PTPRO: variants seen among roughly 807,000 people sequenced by gnomAD.
PTPRO encodes receptor-type tyrosine-protein phosphatase O.
PTPRO carries 62 observed loss-of-function variants against 145.2 expected under a neutral mutation model. The ratio of observed to expected loss-of-function variants is 0.43; its 90% CI spans 0.35 to 0.53. The LOEUF is 0.53. Ranked by LOEUF, PTPRO falls within the 20% of genes least tolerant of loss-of-function variation. PTPRO has a pLI of 0.01. For synonymous variants in PTPRO, 565 were observed against 514.7 expected (o/e 1.10, Z -1.32); for missense variants, 1,345 against 1,482.7 (o/e 0.91, Z 1.53).
chr12:15,546,472 A>G, intron 12 of PTPRO, 97 bp from the exon 13 acceptor site: 1 of 1,536,876 alleles, frequency 6.5e-7, no homozygotes. Context: ...TTACCTACCT[A>G]TATTTGAATT....
chr12:15,371,571 TG>T (rs2136259535), intron 1 of PTPRO, among the ~76,000 whole-genome samples: 1 of 152,320 alleles, frequency 6.6e-6, no homozygotes, highest in South Asian at 2.1e-4. Flanking sequence ...TACAATAAGA[TG>T]ATCAGCCCTA....
chr12:15,397,256 G>A (rs1299950763), intron 1 of PTPRO, among the ~76,000 whole-genome samples: 3 of 151,842 alleles, frequency 2.0e-5, no homozygotes, highest in East Asian at 1.9e-4. Flanking sequence ...TTATGCAAGC[G>A]AAGAACAGAA....
At chr12:15,558,082 G>A (rs750954729) in intron 16 of PTPRO, among the ~76,000 whole-genome samples, 27 of 151,866 alleles carry the variant, frequency 1.8e-4, no homozygotes, top group Non-Finnish European at 3.2e-4. Context: ...CTACAGGCGC[G>A]CACCACCAAA....
At chr12:15,429,636 A>G (rs1294511575) in intron 1 of PTPRO, among the ~76,000 whole-genome samples, 1 of 152,194 alleles carries the variant, frequency 6.6e-6, no homozygotes, top group Non-Finnish European at 1.5e-5. Flanking sequence ...AAGGTTCTCA[A>G]GGTTAAAATA....
chr12:15,581,825 G>T (rs1591766403), intron 23 of PTPRO, 24 bp downstream of exon 23: 1 of 1,613,344 alleles, frequency 6.2e-7, no homozygotes, highest in Non-Finnish European at 8.5e-7. Flanking sequence ...CAGAGAGCAG[G>T]TGCTGTCCCT....
chr12:15,408,750 A>G (rs764609020), intron 1 of PTPRO, among the ~76,000 whole-genome samples: 1 of 152,160 alleles, frequency 6.6e-6, no homozygotes, highest in South Asian at 2.1e-4. Context: ...TTCTGTGTCA[A>G]TGTTTTCACA....
chr12:15,553,096 G>T (rs775226971), intron 15 of PTPRO, among the ~76,000 whole-genome samples: 1 of 151,908 alleles, frequency 6.6e-6, no homozygotes, highest in African/African-American at 2.4e-5. Context: ...CACCATGCTC[G>T]GCCTCCTTGA....
At chr12:15,581,302 T>C (rs974556496) in intron 22 of PTPRO, among the ~76,000 whole-genome samples, 25 of 146,738 alleles carry the variant, frequency 1.7e-4, no homozygotes, top group African/African-American at 6.0e-4. Flanking sequence ...TGCTTTCTTT[T>C]TTTTTTTTTT....
intron 1 of PTPRO, among the ~76,000 whole-genome samples, chr12:15,459,556 T>C (rs1342356089): frequency 6.6e-6 from 1 of 152,236 alleles, no homozygotes; most frequent in Admixed American, 6.5e-5. Context: ...TGGTTGGTTT[T>C]TTGTTCACTT....
chr12:15,379,785 G>A (rs930756254), intron 1 of PTPRO, among the ~76,000 whole-genome samples: 2 of 152,022 alleles, frequency 1.3e-5, no homozygotes, highest in African/African-American at 4.8e-5. Context: ...GAAAGAAATG[G>A]GGGATGACTG....
chr12:15,352,918 A>G (rs933389441), intron 1 of PTPRO, among the ~76,000 whole-genome samples: 1 of 152,214 alleles, frequency 6.6e-6, no homozygotes, highest in Non-Finnish European at 1.5e-5. Context: ...CCCAGAAAAT[A>G]CATGTCTTAT....
intron 1 of PTPRO, among the ~76,000 whole-genome samples, chr12:15,373,994 A>G (rs1420797424): frequency 6.6e-6 from 1 of 152,224 alleles, no homozygotes; most frequent in Non-Finnish European, 1.5e-5. Flanking sequence ...CGGTCACCTC[A>G]AAAATTCAAA....
At chr12:15,578,070 C>T (rs905036115) in intron 19 of PTPRO, among the ~76,000 whole-genome samples, 1 of 152,154 alleles carries the variant, frequency 6.6e-6, no homozygotes, top group African/African-American at 2.4e-5. Flanking sequence ...GAAGGATTTT[C>T]CCCAACAACT....
chr12:15,586,961 C>A lies in PTPRO; in HGVS notation c.3320C>A (p.Thr1107Lys). Reference sequence around the variant, plus strand: ...GCATGGCCTGATCATGGTGTGCCCACAGCAAATGCTGCAGAAAGTATCCTG... The same window carrying A: ...GCATGGCCTGATCATGGTGTGCCCAAAGCAAATGCTGCAGAAAGTATCCTG... Reference protein sequence around the residue: ...YTAWPDHGVPTANAAESILQF... With the variant: ...YTAWPDHGVPKANAAESILQF... The change falls in exon 24 of 27, where the codon ACA (threonine) becomes AAA (lysine). Residue 1107 changes from threonine to lysine, a missense_variant. By Grantham distance (78) the Thr-to-Lys change is moderately conservative. Coordinates refer to ENST00000281171, the MANE Select transcript of PTPRO (RefSeq NM_030667.3). 6.2e-7 allele frequency: 1 copy of A among 1,614,126 alleles called. No individual in the cohort carries two copies. Among genetic ancestry groups the A allele is most frequent in the Non-Finnish European group, 8.5e-7 (1 of 1,180,000 alleles).
At chr12:15,530,317 T>A (rs1942935239) in intron 12 of PTPRO, among the ~76,000 whole-genome samples, 2 of 152,172 alleles carry the variant, frequency 1.3e-5, no homozygotes, top group South Asian at 4.1e-4. Context: ...AACGTATAGA[T>A]CTTCCAACAG....
chr12:15,337,811 A>G (rs1258385508), intron 1 of PTPRO, among the ~76,000 whole-genome samples: 2 of 152,212 alleles, frequency 1.3e-5, no homozygotes, highest in East Asian at 3.8e-4. Context: ...GAAAAAGTCC[A>G]TCTCAAAAGG....
chr12:15,505,632 C>T (rs1021774682), intron 6 of PTPRO, among the ~76,000 whole-genome samples: 1 of 152,160 alleles, frequency 6.6e-6, no homozygotes, highest in East Asian at 1.9e-4. Context: ...TTCAGATGTA[C>T]CATGTATACT....
rs1331482874 is a variant in PTPRO at position 15,322,544 on chromosome 12, G to A, written c.-183G>A. ...AACAGCAGCGCCTGGCACGTTCTTGGAGGACCCCGGGCGCAGAGGAGGAAA... is the reference window on the plus strand; with the variant it reads ...AACAGCAGCGCCTGGCACGTTCTTGAAGGACCCCGGGCGCAGAGGAGGAAA... On this transcript the variant is annotated 5_prime_UTR_variant, in exon 1 of 27. Transcript: ENST00000281171. This position sits in a 1 kb window ranked among gnomAD's most constrained non-coding sequence, Gnocchi z 6.3. The A allele has an allele frequency of 3.0e-6, 2 of 666,280 alleles. No individual in the cohort carries two copies. The highest frequency in any genetic ancestry group is 5.5e-6 in the Non-Finnish European group (2 of 366,322). The allele number at this position is 666,280 out of a possible 1,614,324, so 41.3% of individuals were successfully genotyped here. A position where few individuals can be genotyped will look rare whatever the true frequency, so the allele number is the denominator to read the frequency against.
intron 1 of PTPRO, among the ~76,000 whole-genome samples, chr12:15,395,615 G>C (rs1939315425): frequency 6.6e-6 from 1 of 151,530 alleles, no homozygotes; most frequent in Non-Finnish European, 1.5e-5. Context: ...TTTTCTTATT[G>C]CTGGTGGCTT....
Sources: allele counts gnomAD v4.1 joint callset (sites outside exome capture counted in the v4.1 genomes callset), GRCh38; gene constraint gnomAD v4.1.1; non-coding constraint Gnocchi (gnomAD v3.1); transcripts MANE v1.5; gene names NCBI Gene and HGNC (gene_info 2026-07-23, HGNC 2026-07-21).